Variants in SCN8A observed in about 807,000 individuals in gnomAD.
The protein encoded by SCN8A is sodium channel protein type 8 subunit alpha.
SCN8A carries 30 observed loss-of-function variants against 184.1 expected under a neutral mutation model. The ratio of observed to expected loss-of-function variants is 0.16; its 90% CI spans 0.12 to 0.22. The LOEUF is 0.22. Among genes scored for constraint, SCN8A ranks in the 10% least tolerant of loss-of-function variants. The pLI is 1.00. For missense variants in SCN8A, 1,057 were observed against 2,498.9 expected (o/e 0.42, Z 12.30); for synonymous variants, 852 against 907.0 (o/e 0.94, Z 1.09).
intron 20 of SCN8A, among the ~76,000 whole-genome samples, chr12:51,778,810 A>G (rs186090845): frequency 1.2e-4 from 18 of 152,286 alleles, no homozygotes; most frequent in Admixed American, 5.9e-4. Context: ...TCTTTAAAAT[A>G]TCATCAATTT....
intron 1 of SCN8A, among the ~76,000 whole-genome samples, chr12:51,621,792 A>C (rs944179074): frequency 6.6e-6 from 1 of 152,218 alleles, no homozygotes; most frequent in Non-Finnish European, 1.5e-5. Context: ...TCTGCGATGT[A>C]GGCAGAATGA....
At chr12:51,721,256 C>G (rs1263910467) in intron 11 of SCN8A, among the ~76,000 whole-genome samples, 1 of 151,616 alleles carries the variant, frequency 6.6e-6, no homozygotes, top group Non-Finnish European at 1.5e-5. Flanking sequence ...CAGCCATGTG[C>G]TTTACCCTGG....
Position 51,686,400 on chromosome 12 carries a change from T to C in SCN8A, c.428T>C (p.Leu143Ser). Residue 143 changes from leucine to serine, a missense_variant, in exon 4 of 27, where the codon TTG (leucine) becomes TCG (serine). Around this residue, in one of 19 missense-constraint regions of SCN8A, gnomAD observed 66 missense variants for 276.4 expected, o/e 0.24. Coordinates refer to ENST00000627620, the MANE Select transcript of SCN8A (RefSeq NM_001330260.2). The part of the protein sequence containing the change: ...VFSMIIMCTI[L>S]TNCVFMTFSN... ...AGCATGATCATTATGTGCACTATTT[T>C]GACCAACTGTGTATTCATGACTTTT... is the stretch of plus-strand genomic sequence containing the variant. 1 of 1,612,556 alleles carries C rather than the reference T, an allele frequency of 6.2e-7. No individual in the cohort carries two copies.
intron 2 of SCN8A, among the ~76,000 whole-genome samples, chr12:51,672,780 C>T (rs1455088508): frequency 2.0e-5 from 3 of 152,186 alleles, no homozygotes; most frequent in African/African-American, 4.8e-5. Context: ...TCATTTTTGA[C>T]TCCCCAATTT....
chr12:51,707,936 T>C (rs1941812064), intron 11 of SCN8A, among the ~76,000 whole-genome samples: 1 of 152,192 alleles, frequency 6.6e-6, no homozygotes, highest in African/African-American at 2.4e-5. Flanking sequence ...ATGCTCCATA[T>C]TGTTCTCCTC....
rs148533739 is a variant in SCN8A at position 51,800,133 on chromosome 12, T to C, written c.4795+5492T>C. On this transcript the variant is annotated intron_variant, in intron 26 of 26. Coordinates refer to ENST00000627620, the MANE Select transcript of SCN8A (RefSeq NM_001330260.2). ...TACCCCTGAGGTAGGACAGTAAAGA[T>C]ATATTGCTGGCCTTGCCAGCTGAAG... 4.4e-3 allele frequency among the ~76,000 whole-genome samples: 670 copies of C among 152,344 alleles called. 8 individuals are homozygous for C. The highest frequency in any genetic ancestry group is 0.016 in the African/African-American group (646 of 41,576).
Position 51,805,483 on chromosome 12 carries a change from T to TTA in SCN8A, c.4796-785_4796-784dup, listed in dbSNP as rs149031078. On this transcript the variant is annotated intron_variant, in intron 26 of 26. Transcript: ENST00000627620. Reference sequence around the variant, plus strand: ...ATAATTTCCTAACCATAGTAGGAAATTATATATATATATATGATTCTTACA... The same window carrying TTA: ...ATAATTTCCTAACCATAGTAGGAAATTATATATATATATATATGATTCTTACA... Among the ~76,000 whole-genome samples the TTA allele has an allele frequency of 6.7e-3, 1,006 of 150,366 alleles. 2 individuals carry two copies. Among genetic ancestry groups the TTA allele is most frequent in the South Asian group, 7.8e-3 (37 of 4,730 alleles).
intron 1 of SCN8A, among the ~76,000 whole-genome samples, chr12:51,598,311 C>T (rs1291901857): frequency 2.0e-5 from 3 of 152,126 alleles, no homozygotes; most frequent in Non-Finnish European, 4.4e-5. Flanking sequence ...TCCAACAATT[C>T]CTTTGGGTAC....
chr12:51,801,771 C>T (rs529117943), intron 26 of SCN8A, among the ~76,000 whole-genome samples: 10 of 152,238 alleles, frequency 6.6e-5, no homozygotes, highest in South Asian at 4.1e-4. Context: ...AGAACTCCAG[C>T]AGGCCAGGCG....
In SCN8A at chr12:51,811,427, CCTTA is replaced by C. The variant is rs1238621856; in HGVS notation, c.*4002_*4005del. The C allele has an allele frequency of 1.3e-5, 2 of 152,270 alleles. No individual in the cohort carries two copies. Among genetic ancestry groups the C allele is most frequent in the African/African-American group, 4.8e-5 (2 of 41,458 alleles). The allele number at this position is 152,270 out of a possible 1,614,324, so 9.4% of individuals were successfully genotyped here. On this transcript the variant is annotated 3_prime_UTR_variant, in exon 27 of 27. Transcript: ENST00000627620. The stretch of plus-strand genomic sequence containing the variant: ...ACGTCAGCCAACCCAGCTGGACTGG[CCTTA>C]CTTCTGCCTTTTTCACCTGTATGTT...
At chr12:51,620,955 C>T (rs984623580) in intron 1 of SCN8A, among the ~76,000 whole-genome samples, 2 of 152,134 alleles carry the variant, frequency 1.3e-5, no homozygotes, top group African/African-American at 4.8e-5. Flanking sequence ...CCACTGCATT[C>T]CAGCCTGGGT....
intron 1 of SCN8A, among the ~76,000 whole-genome samples, chr12:51,651,714 C>T (rs1940718713): frequency 6.6e-6 from 1 of 152,184 alleles, no homozygotes; most frequent in Admixed American, 6.5e-5. Flanking sequence ...GGTGGGGACA[C>T]AGCCAAACCA....
At chr12:51,636,787 A>G (rs1029982453) in intron 1 of SCN8A, among the ~76,000 whole-genome samples, 3 of 152,254 alleles carry the variant, frequency 2.0e-5, no homozygotes, top group Non-Finnish European at 4.4e-5. Context: ...ATTGTGGAGT[A>G]TGTGATGATT....
rs144424662 is a variant in SCN8A at position 51,786,754 on chromosome 12, A to G, written c.4155A>G (p.Thr1385=). Residue 1385 remains threonine, a synonymous_variant, in exon 22 of 27, where the codon ACA becomes ACG. Coordinates refer to ENST00000627620, the MANE Select transcript of SCN8A (RefSeq NM_001330260.2). Reference sequence around the variant, plus strand: ...AAAAGCTTATGGAGGGGAACAATACAGAGATCAGATGGAAGAACGTGAAGA... The same window carrying G: ...AAAAGCTTATGGAGGGGAACAATACGGAGATCAGATGGAAGAACGTGAAGA... ...ECEKLMEGNN[T]EIRWKNVKIN... 6.2e-7 allele frequency: 1 copy of G among 1,614,038 alleles called. No individual in the cohort carries two copies. Among genetic ancestry groups the G allele is most frequent in the East Asian group, 2.2e-5 (1 of 44,892 alleles).
intron 14 of SCN8A, among the ~76,000 whole-genome samples, chr12:51,753,541 A>G (rs929269364): frequency 6.6e-6 from 1 of 152,224 alleles, no homozygotes; most frequent in African/African-American, 2.4e-5. Flanking sequence ...GGACAATACC[A>G]GAAACTCAAA....
chr12:51,764,491 C>T (rs948353463), intron 15 of SCN8A, among the ~76,000 whole-genome samples: 3 of 151,892 alleles, frequency 2.0e-5, no homozygotes, highest in East Asian at 2.0e-4. Flanking sequence ...AAAAATTAGC[C>T]GGGCATGGTG....
chr12:51,753,581 G>A (rs566871470), intron 14 of SCN8A, among the ~76,000 whole-genome samples: 1 of 152,292 alleles, frequency 6.6e-6, no homozygotes, highest in South Asian at 2.1e-4. Flanking sequence ...CAACACGAGC[G>A]CTGAGATTGG....
intron 1 of SCN8A, among the ~76,000 whole-genome samples, chr12:51,618,351 T>G (rs139066011): frequency 6.6e-6 from 1 of 152,134 alleles, no homozygotes; most frequent in African/African-American, 2.4e-5. Context: ...TTTCTGTTTC[T>G]TGGACCAGAA....
rs1942560843 is a variant in SCN8A at position 51,749,352 on chromosome 12, T to A, written c.2132-2003T>A. Among the ~76,000 whole-genome samples the A allele has an allele frequency of 2.0e-5, 3 of 152,218 alleles. No homozygotes were observed. The South Asian group carries it at 6.2e-4, about 32-fold the overall frequency. The stretch of plus-strand genomic sequence containing the variant: ...GCAAGACTCAAGACCTAGTTCATTT[T>A]AAAACATTACAATTGTGTCAACTGT... On this transcript the variant is annotated intron_variant, in intron 13 of 26. Transcript: ENST00000627620.
Sources: gnomAD v4.1 joint callset for allele counts (sites outside exome capture counted in the v4.1 genomes callset) on GRCh38, gnomAD v4.1.1 for gene constraint, gnomAD v4.1.1 regional missense constraint, MANE v1.5 for transcripts, NCBI Gene and HGNC (gene_info 2026-07-23, HGNC 2026-07-21) for gene names.